Variants in DOCK3 observed in about 807,000 individuals in gnomAD.
DOCK3 encodes the protein dedicator of cytokinesis 3, also known as dedicator of cytokinesis protein 3.
DOCK3 carries 60 observed loss-of-function variants against 265.6 expected under a neutral mutation model. That is an observed-to-expected ratio of 0.23 (90% confidence interval 0.18 to 0.28). The LOEUF (loss-of-function observed/expected upper bound fraction) is 0.28, where lower values mean the gene tolerates loss of function less well. DOCK3 is among the 10% of genes least tolerant of loss of function. The pLI, the probability that DOCK3 is intolerant of heterozygous loss-of-function variation, is 1.00. For synonymous variants in DOCK3, 881 were observed against 938.0 expected (o/e 0.94, Z 1.11); for missense variants, 1,981 against 2,594.3 (o/e 0.76, Z 5.14).
At chr3:50,866,477 CTTTT>C (rs35832182) in intron 3 of DOCK3, among the ~76,000 whole-genome samples, 2 of 141,478 alleles carry the variant, frequency 1.4e-5, no homozygotes. Context: ...AAGCGAGACT[CTTTT>C]TTTTTTTTTT....
chr3:51,091,812 C>T (rs1438800350), intron 9 of DOCK3, among the ~76,000 whole-genome samples: 4 of 152,048 alleles, frequency 2.6e-5, no homozygotes, highest in Admixed American at 2.6e-4. Flanking sequence ...GTACCCGGTT[C>T]ATCTCACTGG....
At chr3:50,716,419 T>G (rs2037115347) in intron 1 of DOCK3, among the ~76,000 whole-genome samples, 1 of 151,980 alleles carries the variant, frequency 6.6e-6, no homozygotes, top group Non-Finnish European at 1.5e-5. Context: ...TCCCAGTTAC[T>G]TGGGAGGCTG....
At chr3:50,776,090 TTGAG>T (rs1276072224) in intron 1 of DOCK3, among the ~76,000 whole-genome samples, 1 of 152,146 alleles carries the variant, frequency 6.6e-6, no homozygotes, top group Non-Finnish European at 1.5e-5. Flanking sequence ...TTCTTTTCCT[TTGAG>T]TGGATACCCA....
At chr3:51,282,967 C>T (rs980659711) in intron 27 of DOCK3, among the ~76,000 whole-genome samples, 1 of 152,150 alleles carries the variant, frequency 6.6e-6, no homozygotes, top group Non-Finnish European at 1.5e-5. Flanking sequence ...AATCCACCAA[C>T]ATAGTAAAAG....
rs569879943 is a variant in DOCK3, at chr3:51,267,011, A to G, written c.2356-3804A>G. ...AACCATCAAAAAGTGGGCGAAGGAT[A>G]TGAACAGACACTTCTCAAAAGAAGA... On this transcript the variant is annotated intron_variant, in intron 23 of 52. Coordinates refer to ENST00000266037, the MANE Select transcript of DOCK3 (RefSeq NM_004947.5). Among the ~76,000 whole-genome samples, 48 of 152,266 alleles carry G rather than the reference A, an allele frequency of 3.2e-4. 1 individual carries two copies. Among genetic ancestry groups the G allele is most frequent in the African/African-American group, 1.0e-3 (43 of 41,550 alleles).
intron 48 of DOCK3, 62 bp from the exon 49 acceptor site, chr3:51,362,465 G>A (rs991642503): frequency 8.7e-6 from 14 of 1,607,436 alleles, no homozygotes; most frequent in African/African-American, 1.3e-5. Flanking sequence ...AGCAAACTCT[G>A]TGCCAGCCCT....
chr3:51,069,014 G>T (rs1193354236), intron 6 of DOCK3, among the ~76,000 whole-genome samples: 4 of 152,070 alleles, frequency 2.6e-5, no homozygotes, highest in Non-Finnish European at 4.4e-5. Flanking sequence ...CCTAAAATTT[G>T]AATATTCAGA....
At position 51,075,556 on chromosome 3, in the gene DOCK3, A is replaced by G. The variant is rs573443831; in HGVS notation, c.549+116A>G. 5 of 743,448 alleles carry G rather than the reference A, an allele frequency of 6.7e-6. No homozygotes were observed. In the East Asian group the frequency reaches 1.4e-4, roughly 20 times the overall value. The allele number at this position is 743,448 out of a possible 1,614,324, so 46.1% of individuals were successfully genotyped here. A position where few individuals can be genotyped will look rare whatever the true frequency, so the allele number is the denominator to read the frequency against. On this transcript the variant is annotated intron_variant, in intron 7 of 52. Transcript: ENST00000266037. ...AAAAATTTGTTTTGGCCTCTTTCCC[A>G]GTGTATTTAAGTGATATTCTGGCCA...
chr3:51,162,012 C>G (rs551502653), intron 12 of DOCK3, among the ~76,000 whole-genome samples: 1 of 152,288 alleles, frequency 6.6e-6, no homozygotes, highest in Admixed American at 6.5e-5. Context: ...TATACTCTAT[C>G]TTTGCTCATA....
Position 51,237,507 on chromosome 3 carries a change from G to T in DOCK3, c.2019G>T (p.Leu673=), listed in dbSNP as rs1004102746. 1.9e-6 allele frequency: 3 copies of T among 1,613,314 alleles called. No homozygotes were observed. The highest frequency in any genetic ancestry group is 3.3e-5 in the Admixed American group (2 of 59,916). ...TCTCCCAGGTGTTCATCATCAACCT[G>T]CTCCGAGACATCAAGTATTTTCACT... ...VFQSLVFIIN[L]LRDIKYFHFR... Residue 673 remains leucine, a synonymous_variant, in exon 21 of 53, where the codon CTG becomes CTT. Transcript: ENST00000266037.
chr3:50,768,440 C>T (rs900624877), intron 1 of DOCK3, among the ~76,000 whole-genome samples: 1 of 152,058 alleles, frequency 6.6e-6, no homozygotes, highest in Non-Finnish European at 1.5e-5. Flanking sequence ...ACTGGCAAAC[C>T]GAATCCAGCA....
chr3:51,190,041 G>A (rs1032444690), intron 12 of DOCK3, among the ~76,000 whole-genome samples: 1 of 152,090 alleles, frequency 6.6e-6, no homozygotes, highest in African/African-American at 2.4e-5. Flanking sequence ...TGACTGTTGG[G>A]GTACAGCCAC....
chr3:50,817,927 A>G (rs987152666), intron 2 of DOCK3, among the ~76,000 whole-genome samples: 1 of 152,192 alleles, frequency 6.6e-6, no homozygotes, highest in Admixed American at 6.5e-5. Context: ...CCCAACTGCT[A>G]CTATCCTTGT....
chr3:50,917,364 T>A (rs931189860), intron 4 of DOCK3, among the ~76,000 whole-genome samples: 2 of 152,102 alleles, frequency 1.3e-5, no homozygotes, highest in Non-Finnish European at 2.9e-5. Flanking sequence ...GATTACTTGG[T>A]TAATTCAGTT....
intron 5 of DOCK3, among the ~76,000 whole-genome samples, chr3:50,958,974 G>A (rs1348318375): frequency 6.6e-6 from 1 of 152,086 alleles, no homozygotes; most frequent in East Asian, 1.9e-4. Flanking sequence ...ATGATCTTCA[G>A]TCAATTTACA....
chr3:50,805,415 G>T (rs1050724801), intron 2 of DOCK3, among the ~76,000 whole-genome samples: 1 of 152,178 alleles, frequency 6.6e-6, no homozygotes, highest in East Asian at 1.9e-4. Flanking sequence ...GGTCAGCTGG[G>T]GTTGGGGCCA....
chr3:50,960,098 A>G (rs1451621435), intron 5 of DOCK3, among the ~76,000 whole-genome samples: 1 of 152,198 alleles, frequency 6.6e-6, no homozygotes, highest in African/African-American at 2.4e-5. Context: ...TGTGAATAAC[A>G]TTTTATCATT....
At chr3:51,097,741 G>A (rs151043433) in intron 9 of DOCK3, among the ~76,000 whole-genome samples, 146 of 152,330 alleles carry the variant, frequency 9.6e-4, no homozygotes, top group African/African-American at 3.3e-3. Flanking sequence ...CCCTGGTGGC[G>A]TAGGCACCTG....
At chr3:50,803,775 G>C (rs924108417) in intron 2 of DOCK3, among the ~76,000 whole-genome samples, 1 of 151,356 alleles carries the variant, frequency 6.6e-6, no homozygotes, top group African/African-American at 2.4e-5. Context: ...TGGACAGGGC[G>C]GCTGGCTGGG....
Sources: gnomAD v4.1 joint callset for allele counts (sites outside exome capture counted in the v4.1 genomes callset) on GRCh38, gnomAD v4.1.1 for gene constraint, MANE v1.5 for transcripts, NCBI Gene and HGNC (gene_info 2026-07-23, HGNC 2026-07-21) for gene names.